Variants in CNTN5 observed in about 807,000 individuals in gnomAD.
The protein encoded by CNTN5 is contactin-5.
Under a neutral mutation model 129.1 loss-of-function variants are expected in CNTN5, and 77 were observed. The ratio of observed to expected loss-of-function variants is 0.60; its 90% CI spans 0.50 to 0.72. The LOEUF is 0.72. Among genes scored for constraint, CNTN5 ranks in the 30% least tolerant of loss-of-function variants. CNTN5 has a pLI of 0.00. For missense variants in CNTN5, 1,478 were observed against 1,328.8 expected (o/e 1.11, Z -1.75); for synonymous variants, 509 against 465.6 (o/e 1.09, Z -1.20).
chr11:100,134,036 T>C (rs1469482753), intron 13 of CNTN5, among the ~76,000 whole-genome samples: 1 of 152,042 alleles, frequency 6.6e-6, no homozygotes, highest in African/African-American at 2.4e-5. Context: ...TCAGAAAAGC[T>C]AAATGGAAAA....
At chr11:99,773,368 T>A (rs958965204) in intron 3 of CNTN5, among the ~76,000 whole-genome samples, 1 of 152,154 alleles carries the variant, frequency 6.6e-6, no homozygotes, top group African/African-American at 2.4e-5. Context: ...TTGCATTACT[T>A]AAATGTATAA....
intron 2 of CNTN5, among the ~76,000 whole-genome samples, chr11:99,468,452 C>T (rs1945031365): frequency 6.6e-6 from 1 of 152,156 alleles, no homozygotes; most frequent in Non-Finnish European, 1.5e-5. Flanking sequence ...AATTTTCTCT[C>T]ACCCCCAACA....
chr11:99,993,768 T>A (rs1480360509), intron 8 of CNTN5, among the ~76,000 whole-genome samples: 1 of 152,088 alleles, frequency 6.6e-6, no homozygotes, highest in African/African-American at 2.4e-5. Context: ...GGCTCAACTT[T>A]AGCTGTAACA....
chr11:99,325,508 G>A (rs1865744927), intron 2 of CNTN5, 24 bp downstream of exon 2: 1 of 151,920 alleles, frequency 6.6e-6, no homozygotes, highest in South Asian at 2.1e-4. Flanking sequence ...TTATTAAACT[G>A]CCTATAAAAT....
At chr11:99,342,298 A>G (rs2136058344) in intron 2 of CNTN5, among the ~76,000 whole-genome samples, 1 of 152,192 alleles carries the variant, frequency 6.6e-6, no homozygotes, top group African/African-American at 2.4e-5. Context: ...CTGTGTGAGG[A>G]GAGGGATATA....
At chr11:100,284,942 C>T (rs941107501) in intron 18 of CNTN5, among the ~76,000 whole-genome samples, 2 of 152,192 alleles carry the variant, frequency 1.3e-5, no homozygotes, top group African/African-American at 4.8e-5. Context: ...TACTGTGCCA[C>T]TTAATAGCAG....
intron 3 of CNTN5, among the ~76,000 whole-genome samples, chr11:99,749,145 T>C (rs1944152486): frequency 1.3e-5 from 2 of 152,176 alleles, no homozygotes; most frequent in South Asian, 4.1e-4. Context: ...TACTTTGGCT[T>C]ACTGATGGTT....
intron 2 of CNTN5, among the ~76,000 whole-genome samples, chr11:99,512,932 C>T (rs1375942386): frequency 6.6e-6 from 1 of 152,060 alleles, no homozygotes; most frequent in Non-Finnish European, 1.5e-5. Context: ...CATTTTAAAT[C>T]AAAAGCTAGA....
chr11:100,321,221 T>A (rs1029164657), intron 21 of CNTN5, among the ~76,000 whole-genome samples: 1 of 152,028 alleles, frequency 6.6e-6, no homozygotes, highest in South Asian at 2.1e-4. Flanking sequence ...CTTCTTTGAT[T>A]TTTTTAATCA....
chr11:100,069,907 CAAAT>C lies in CNTN5; in HGVS notation c.1163-513_1163-510del, dbSNP rs561875217. Among the ~76,000 whole-genome samples the C allele has an allele frequency of 3.0e-3, 451 of 151,796 alleles. 1 individual carries two copies. The highest frequency in any genetic ancestry group is 4.7e-3 in the Non-Finnish European group (317 of 67,918). ...AATTTTCCTCTGTAACAATTTTGCA[CAAAT>C]AAAAAAATTATATTGCAAGAATGTA... On this transcript the variant is annotated intron_variant, in intron 10 of 24. Coordinates refer to ENST00000524871, the MANE Select transcript of CNTN5 (RefSeq NM_014361.4).
At chr11:99,953,841 C>T (rs546552182) in intron 7 of CNTN5, among the ~76,000 whole-genome samples, 9 of 152,064 alleles carry the variant, frequency 5.9e-5, no homozygotes, top group Admixed American at 3.9e-4. Context: ...CAAAAATATG[C>T]GATTGAAATT....
intron 8 of CNTN5, among the ~76,000 whole-genome samples, chr11:99,964,818 A>G (rs1308992623): frequency 1.3e-5 from 2 of 152,154 alleles, no homozygotes; most frequent in Non-Finnish European, 2.9e-5. Context: ...TAAGCTATTA[A>G]TTATTGCCTC....
intron 15 of CNTN5, among the ~76,000 whole-genome samples, chr11:100,202,574 G>A (rs567774039): frequency 2.4e-4 from 36 of 150,656 alleles, no homozygotes; most frequent in South Asian, 2.1e-3. Context: ...AAAAGCAGCC[G>A]TATAAGTCAG....
intron 2 of CNTN5, among the ~76,000 whole-genome samples, chr11:99,445,462 G>A (rs977057376): frequency 1.3e-5 from 2 of 152,028 alleles, no homozygotes; most frequent in African/African-American, 4.8e-5. Flanking sequence ...GGCGCCTCCA[G>A]TTTCTTGATT....
intron 1 of CNTN5, among the ~76,000 whole-genome samples, chr11:99,056,645 T>C (rs1435564416): frequency 6.6e-6 from 1 of 151,980 alleles, no homozygotes; most frequent in African/African-American, 2.4e-5. Flanking sequence ...AACATAAGAT[T>C]GGCTGAACTA....
intron 3 of CNTN5, among the ~76,000 whole-genome samples, chr11:99,699,603 C>A (rs773198414): frequency 1.3e-5 from 2 of 151,358 alleles, no homozygotes; most frequent in Admixed American, 6.6e-5. Context: ...ATGTGCCTAG[C>A]GAAGTATTAA....
At chr11:100,266,803 T>A (rs1416143128) in intron 17 of CNTN5, among the ~76,000 whole-genome samples, 1 of 152,040 alleles carries the variant, frequency 6.6e-6, no homozygotes, top group Non-Finnish European at 1.5e-5. Flanking sequence ...AATAATTACA[T>A]CAAGATTCAA....
intron 2 of CNTN5, among the ~76,000 whole-genome samples, chr11:99,511,281 T>G (rs1946826137): frequency 6.6e-6 from 1 of 152,172 alleles, no homozygotes; most frequent in Non-Finnish European, 1.5e-5. Flanking sequence ...TCTTTATTTC[T>G]GCCTTCATTT....
intron 3 of CNTN5, among the ~76,000 whole-genome samples, chr11:99,663,683 C>T (rs753077610): frequency 3.3e-5 from 5 of 152,092 alleles, no homozygotes; most frequent in African/African-American, 7.2e-5. Flanking sequence ...GGTTCTATAA[C>T]GAGCTCTTAC....
Sources: gnomAD v4.1 joint callset for allele counts (sites outside exome capture counted in the v4.1 genomes callset) on GRCh38, gnomAD v4.1.1 for gene constraint, MANE v1.5 for transcripts, NCBI Gene and HGNC (gene_info 2026-07-23, HGNC 2026-07-21) for gene names.